The following SPAG16 variants were observed in gnomAD, a reference collection of about 807,000 sequenced individuals.
SPAG16 encodes the protein sperm-associated antigen 16 protein.
SPAG16 carries 86 observed loss-of-function variants against 80.4 expected under a neutral mutation model. The ratio of observed to expected loss-of-function variants is 1.07; its 90% confidence interval spans 0.90 to 1.28. The LOEUF (loss-of-function observed/expected upper bound fraction) is 1.28, where lower values mean the gene tolerates loss of function less well. Among genes scored for constraint, SPAG16 ranks in the 50% most tolerant of loss-of-function variants. The pLI is 0.00. For missense variants in SPAG16, 870 were observed against 765.3 expected (o/e 1.14, Z -1.61); for synonymous variants, 294 against 265.9 (o/e 1.11, Z -1.03).
intron 10 of SPAG16, among the ~76,000 whole-genome samples, chr2:213,796,456 A>G (rs974166895): frequency 2.0e-5 from 3 of 152,168 alleles, no homozygotes; most frequent in African/African-American, 7.2e-5. Context: ...TCACGTTGTA[A>G]CATTTATCAG....
intron 10 of SPAG16, among the ~76,000 whole-genome samples, chr2:213,767,655 TCACA>T (rs3220937): frequency 1.4e-5 from 2 of 147,662 alleles, no homozygotes; most frequent in Admixed American, 6.8e-5. Flanking sequence ...ACAACATACT[TCACA>T]CACACACACA....
intron 10 of SPAG16, among the ~76,000 whole-genome samples, chr2:213,782,182 T>G (rs992103484): frequency 3.2e-5 from 3 of 92,346 alleles, no homozygotes; most frequent in Non-Finnish European, 5.8e-5. Flanking sequence ...AGTCTTCAGT[T>G]TTTTTTTTTT....
chr2:214,010,453 C>A (rs542484748), intron 12 of SPAG16, among the ~76,000 whole-genome samples: 1 of 146,612 alleles, frequency 6.8e-6, no homozygotes, highest in African/African-American at 2.7e-5. Context: ...ATAGGTGGAC[C>A]TTTCCATTAG....
At position 214,405,183 on chromosome 2, in the gene SPAG16, G is replaced by A. The variant is rs140270935; in HGVS notation, c.1721-4957G>A. Among the ~76,000 whole-genome samples the A allele has an allele frequency of 5.8e-3, 887 of 151,896 alleles. 10 individuals carry two copies. Among genetic ancestry groups the A allele is most frequent in the Middle Eastern group, 0.024 (7 of 292 alleles). ...GCTACCACCCAGAATGGAGTGTAAC[G>A]GTGGGAATAGCTCACTGCAGCCTTG... On this transcript the variant is annotated intron_variant, in intron 15 of 15. Coordinates refer to ENST00000331683, the MANE Select transcript of SPAG16 (RefSeq NM_024532.5).
At chr2:213,503,090 C>A (rs1000681713) in intron 10 of SPAG16, among the ~76,000 whole-genome samples, 10 of 152,150 alleles carry the variant, frequency 6.6e-5, no homozygotes, top group African/African-American at 2.4e-4. Context: ...TTTAATAGTA[C>A]CGATTACTAT....
chr2:213,719,133 C>A (rs1377444887), intron 10 of SPAG16, among the ~76,000 whole-genome samples: 3 of 149,890 alleles, frequency 2.0e-5, no homozygotes, highest in African/African-American at 4.9e-5. Flanking sequence ...ATACACCAAT[C>A]GGCACTCTGT....
chr2:214,233,802 TTA>T (rs1688875663), intron 15 of SPAG16, among the ~76,000 whole-genome samples: 1 of 152,126 alleles, frequency 6.6e-6, no homozygotes, highest in Non-Finnish European at 1.5e-5. Context: ...GTAAAAAAAA[TTA>T]TGAGGTATAA....
chr2:214,293,775 T>C (rs753090450), intron 15 of SPAG16, among the ~76,000 whole-genome samples: 1 of 152,202 alleles, frequency 6.6e-6, no homozygotes, highest in Admixed American at 6.5e-5. Flanking sequence ...ATCTCCCTCC[T>C]GTGGCAGCTC....
intron 10 of SPAG16, among the ~76,000 whole-genome samples, chr2:213,732,984 A>T (rs1163743628): frequency 6.6e-6 from 1 of 152,062 alleles, no homozygotes; most frequent in Non-Finnish European, 1.5e-5. Context: ...ACTAATTTAC[A>T]CTCCCACCAA....
intron 10 of SPAG16, among the ~76,000 whole-genome samples, chr2:213,615,106 A>T (rs12694307): frequency 0.35 from 53,463 of 152,100 alleles, 9,817 homozygotes; most frequent in Middle Eastern, 0.49. Flanking sequence ...ACAGACGGTT[A>T]ATCTGCAAAT....
Position 213,984,100 on chromosome 2 carries a change from A to G in SPAG16, c.1401-29851A>G, listed in dbSNP as rs2045894024. Among the ~76,000 whole-genome samples, 7 of 152,230 alleles carry G rather than the reference A, an allele frequency of 4.6e-5. No homozygotes were observed. In the South Asian group the frequency reaches 1.5e-3, roughly 32 times the overall value. On this transcript the variant is annotated intron_variant, in intron 12 of 15. Coordinates refer to ENST00000331683, the MANE Select transcript of SPAG16 (RefSeq NM_024532.5). ...CAATGGCAAATTGAATGCTGCTTAT[A>G]TCATTATATGCATGAATGAATATGA...
chr2:214,241,572 G>A (rs542495600), intron 15 of SPAG16, among the ~76,000 whole-genome samples: 1 of 152,158 alleles, frequency 6.6e-6, no homozygotes, highest in East Asian at 1.9e-4. Context: ...CCTTAGTGAC[G>A]TTTTCAAAAG....
At chr2:214,291,808 T>C (rs1693824879) in intron 15 of SPAG16, among the ~76,000 whole-genome samples, 1 of 152,180 alleles carries the variant, frequency 6.6e-6, no homozygotes, top group African/African-American at 2.4e-5. Flanking sequence ...GTGGTACAAT[T>C]TGGGTTGTAT....
chr2:213,359,549 G>A (rs771396185), intron 7 of SPAG16, among the ~76,000 whole-genome samples: 31 of 152,348 alleles, frequency 2.0e-4, no homozygotes, highest in Middle Eastern at 3.4e-3. Context: ...CTAGCAGTGA[G>A]CAAGGCTCTG....
At chr2:214,360,852 A>T (rs1038031819) in intron 15 of SPAG16, among the ~76,000 whole-genome samples, 1 of 151,872 alleles carries the variant, frequency 6.6e-6, no homozygotes, top group African/African-American at 2.4e-5. Context: ...TCAATGGTTG[A>T]AGCTTAAATA....
chr2:213,921,025 G>A (rs997967653), intron 11 of SPAG16, among the ~76,000 whole-genome samples: 5 of 152,160 alleles, frequency 3.3e-5, no homozygotes, highest in African/African-American at 4.8e-5. Flanking sequence ...AGTTGTTGGA[G>A]GGTAGGAATT....
intron 10 of SPAG16, among the ~76,000 whole-genome samples, chr2:213,540,684 G>T (rs1559235585): frequency 6.6e-6 from 1 of 152,104 alleles, no homozygotes; most frequent in South Asian, 2.1e-4. Context: ...TGTTTCATTT[G>T]TAGTTCTTCA....
intron 15 of SPAG16, among the ~76,000 whole-genome samples, chr2:214,249,520 A>C (rs1414365389): frequency 6.6e-6 from 1 of 152,162 alleles, no homozygotes; most frequent in Non-Finnish European, 1.5e-5. Flanking sequence ...ACAGAAATGA[A>C]TAACATGTCA....
At chr2:213,757,401 A>G (rs2068401370) in intron 10 of SPAG16, among the ~76,000 whole-genome samples, 1 of 152,138 alleles carries the variant, frequency 6.6e-6, no homozygotes, top group African/African-American at 2.4e-5. Flanking sequence ...AAAGAGCCCA[A>G]ACAATCTAAA....
Sources: allele counts gnomAD v4.1 joint callset (sites outside exome capture counted in the v4.1 genomes callset), GRCh38; gene constraint gnomAD v4.1.1; transcripts MANE v1.5; gene names NCBI Gene and HGNC (gene_info 2026-07-23, HGNC 2026-07-21).